Variants in MMEL1 observed in about 807,000 individuals in gnomAD.
MMEL1 encodes the protein membrane metalloendopeptidase like 1.
In MMEL1, 98 loss-of-function variants were observed where a neutral mutation model predicts 117.1. That is an observed-to-expected ratio of 0.84 (90% CI 0.71 to 0.99). The LOEUF (loss-of-function observed/expected upper bound fraction) is 0.99. Ranked by LOEUF, MMEL1 falls within the 50% of genes least tolerant of loss-of-function variation. The pLI, the probability that MMEL1 is intolerant of heterozygous loss-of-function variation, is 0.00. For synonymous variants in MMEL1, 390 were observed against 415.1 expected, an observed-to-expected ratio of 0.94 and a Z score of 0.74; for missense variants, 1,014 against 1,049.1, an observed-to-expected ratio of 0.97 and a Z score of 0.46.
Position 2,593,799 on chromosome 1 carries a change from G to T in MMEL1, c.1867+15C>A. 1 of 1,589,050 alleles carries T rather than the reference G, an allele frequency of 6.3e-7. No homozygotes were observed. Among genetic ancestry groups the T allele is most frequent in the East Asian group, 2.3e-5 (1 of 43,706 alleles). ...AGAGGGGAGGGCGTGTGTGATTGGAGGGGCGGCCGCTCACCATTGTCGTCA... is the reference window on the plus strand; with the variant it reads ...AGAGGGGAGGGCGTGTGTGATTGGATGGGCGGCCGCTCACCATTGTCGTCA... On this transcript the variant is annotated intron_variant, in intron 19 of 23. Transcript: ENST00000378412.
At chr1:2,611,207 G>A in intron 4 of MMEL1, 74 bp downstream of exon 4, 3 of 1,438,044 alleles carry the variant, frequency 2.1e-6, no homozygotes, top group South Asian at 1.2e-5. Flanking sequence ...GGCCTTGGGC[G>A]GGGCCTACGT....
intron 2 of MMEL1, among the ~76,000 whole-genome samples, chr1:2,624,705 C>G (rs905759679): frequency 1.3e-5 from 2 of 152,164 alleles, no homozygotes; most frequent in Non-Finnish European, 2.9e-5. Context: ...CAGTGTGTTC[C>G]AGGCCCAGTG....
intron 7 of MMEL1, 143 bp from the exon 8 acceptor site, chr1:2,606,509 A>T (rs1645031456): frequency 3.2e-6 from 2 of 629,860 alleles, no homozygotes; most frequent in African/African-American, 3.7e-5. Flanking sequence ...GGGCTGGGGG[A>T]TGTGGGAGAC....
chr1:2,598,411 T>C, intron 12 of MMEL1, 111 bp from the exon 13 acceptor site: 1 of 1,258,148 alleles, frequency 7.9e-7, no homozygotes, highest in Non-Finnish European at 1.1e-6. Flanking sequence ...GAGTTATGGG[T>C]GCTGGAGAAA....
chr1:2,590,967 C>T lies in MMEL1; in HGVS notation c.*23G>A, dbSNP rs751893119. On this transcript the variant is annotated 3_prime_UTR_variant, in exon 24 of 24. Coordinates refer to ENST00000378412, the MANE Select transcript of MMEL1 (RefSeq NM_033467.4). Reference sequence around the variant, plus strand: ...CTCCGAGCAGCGGGTGGGCGTGGGCCGCACAGCGCGGCAGGGCCTTGGCTA... The same window carrying T: ...CTCCGAGCAGCGGGTGGGCGTGGGCTGCACAGCGCGGCAGGGCCTTGGCTA... The T allele has an allele frequency of 4.9e-5, 74 of 1,513,768 alleles. No individual in the cohort carries two copies. The highest frequency in any genetic ancestry group is 5.9e-5 in the Non-Finnish European group (67 of 1,129,590). The allele number at this position is 1,513,768 out of a possible 1,614,324, so 93.8% of individuals were successfully genotyped here.
At chr1:2,613,986 G>C (rs1441884673) in intron 2 of MMEL1, among the ~76,000 whole-genome samples, 1 of 152,214 alleles carries the variant, frequency 6.6e-6, no homozygotes, top group Non-Finnish European at 1.5e-5. Context: ...AGGAGTTTGG[G>C]AAAATGGATG....
At chr1:2,628,679 T>G (rs1482062237) in intron 2 of MMEL1, among the ~76,000 whole-genome samples, 1 of 11,232 alleles carries the variant, frequency 8.9e-5, no homozygotes, top group African/African-American at 2.9e-4. Context: ...GGGGCCGGCG[T>G]GGGGGCGGGG....
At chr1:2,619,103 T>A (rs765884012) in intron 2 of MMEL1, among the ~76,000 whole-genome samples, 54 of 152,204 alleles carry the variant, frequency 3.5e-4, no homozygotes, top group Non-Finnish European at 6.5e-4. Flanking sequence ...AGGGCTTTCA[T>A]GTTTTCACCT....
intron 8 of MMEL1, 62 bp downstream of exon 8, chr1:2,606,186 G>T: frequency 7.4e-7 from 1 of 1,358,796 alleles, no homozygotes; most frequent in South Asian, 1.2e-5. Context: ...CTGCTGTGCT[G>T]CAAGAGCCCC....
At chr1:2,591,251 G>A in intron 23 of MMEL1, 162 bp from the exon 24 acceptor site, 2 of 603,106 alleles carry the variant, frequency 3.3e-6, no homozygotes, top group Non-Finnish European at 5.8e-6. Flanking sequence ...CATCTGACCA[G>A]AAACATGCCA....
In MMEL1 at chr1:2,598,228, G is replaced by C. The variant is rs1359110137; in HGVS notation, c.1251C>G (p.Asp417Glu). 1.2e-6 allele frequency: 2 copies of C among 1,613,954 alleles called. No homozygotes were observed. The highest frequency in any genetic ancestry group is 3.3e-5 in the Admixed American group (2 of 60,000). ...TCACCTTGCGGTAGTTCACTCGTGT[G>C]TCCTTGAATCTCTGGCTTAGGCTAC... ...RIGSLSQRFK[D>E]TRVNYRKALF... The change falls in exon 13 of 24, where the codon GAC (aspartate) becomes GAG (glutamate). Residue 417 changes from aspartate to glutamate, a missense_variant. Transcript: ENST00000378412.
chr1:2,623,357 A>G (rs1478409650), intron 2 of MMEL1, among the ~76,000 whole-genome samples: 1 of 152,200 alleles, frequency 6.6e-6, no homozygotes, highest in African/African-American at 2.4e-5. Flanking sequence ...CGAGGACATC[A>G]AAAGCTGCAA....
chr1:2,611,530 A>G, intron 3 of MMEL1, 190 bp from the exon 4 acceptor site: 1 of 519,082 alleles, frequency 1.9e-6, no homozygotes, highest in Non-Finnish European at 3.4e-6. Context: ...TAACCAAAGC[A>G]TAGTCTGGTG....
intron 2 of MMEL1, among the ~76,000 whole-genome samples, chr1:2,628,954 G>A (rs1638402300): frequency 6.7e-6 from 1 of 149,682 alleles, no homozygotes; most frequent in Non-Finnish European, 1.5e-5. Flanking sequence ...CCCAGCCGGG[G>A]CTGCGCGGCC....
rs371368394 is a variant in MMEL1 at position 2,612,044 on chromosome 1, C to T, written c.232+83G>A. The T allele has an allele frequency of 8.2e-7, 1 of 1,226,558 alleles. No homozygotes were observed. The highest frequency in any genetic ancestry group is 2.5e-5 in the East Asian group (1 of 39,662). The allele number at this position is 1,226,558 out of a possible 1,614,324, so 76.0% of individuals were successfully genotyped here. ...ATGAGGGTTGGGCAGAACCCAGCCC[C>T]TGCCCCTCCACGGAGTCCCCCCACC... On this transcript the variant is annotated intron_variant, in intron 3 of 23. Coordinates refer to ENST00000378412, the MANE Select transcript of MMEL1 (RefSeq NM_033467.4). This position sits in a 1 kb window ranked among gnomAD's most constrained non-coding sequence, Gnocchi z 5.4.
chr1:2,601,193 A>G (rs1198927540), intron 11 of MMEL1, among the ~76,000 whole-genome samples: 1 of 152,238 alleles, frequency 6.6e-6, no homozygotes, highest in Non-Finnish European at 1.5e-5. Flanking sequence ...TACTCTATTG[A>G]CTATCAAGAC....
chr1:2,596,663 C>T lies in MMEL1; in HGVS notation c.1299G>A (p.Glu433=), dbSNP rs924575361. 8 of 1,612,880 alleles carry T rather than the reference C, an allele frequency of 5.0e-6. No individual in the cohort carries two copies. The African/African-American group carries it at 8.0e-5, about 16-fold the overall frequency. Residue 433 remains glutamate (E), a synonymous_variant, in exon 14 of 24, where the codon GAG becomes GAA. Coordinates refer to ENST00000378412, the MANE Select transcript of MMEL1 (RefSeq NM_033467.4). ...AGCCCACACATTCACGCCAGCGCAC[C>T]TCCTCCACCATTGTGCCAAACAGCG... ...RKALFGTMVE[E]VRWRECVGYV... is the part of the protein sequence containing the mutation.
intron 16 of MMEL1, 55 bp from the exon 17 acceptor site, chr1:2,594,948 A>G: frequency 6.8e-7 from 1 of 1,472,062 alleles, no homozygotes; most frequent in Non-Finnish European, 9.5e-7. Flanking sequence ...TCAGAGGAGC[A>G]AGGGGAGAGG....
intron 9 of MMEL1, among the ~76,000 whole-genome samples, chr1:2,605,143 C>T (rs1205165183): frequency 8.5e-5 from 13 of 152,172 alleles, no homozygotes; most frequent in Non-Finnish European, 2.9e-5. Flanking sequence ...CTCAAGGTCC[C>T]CTTGTCCACA....
Sources: allele counts gnomAD v4.1 joint callset (sites outside exome capture counted in the v4.1 genomes callset), GRCh38; gene constraint gnomAD v4.1.1; non-coding constraint Gnocchi (gnomAD v3.1); transcripts MANE v1.5; gene names NCBI Gene and HGNC (gene_info 2026-07-23, HGNC 2026-07-21).